Variants in ROBO1 observed in about 807,000 individuals in gnomAD.
The protein encoded by ROBO1 is roundabout guidance receptor 1, also known as roundabout homolog 1.
A neutral mutation model predicts 195.9 loss-of-function variants in ROBO1; 149 were observed. That is an observed-to-expected ratio of 0.76 (90% CI 0.67 to 0.87). ROBO1 has a LOEUF of 0.87. Among genes scored for constraint, ROBO1 ranks in the 40% least tolerant of loss-of-function variants. The pLI is 0.00. For synonymous variants in ROBO1, 816 were observed against 733.2 expected (o/e 1.11, Z -1.82); for missense variants, 1,933 against 2,068.3 (o/e 0.93, Z 1.27).
intron 2 of ROBO1, among the ~76,000 whole-genome samples, chr3:79,329,222 T>C (rs535259742): frequency 1.3e-5 from 2 of 152,316 alleles, no homozygotes; most frequent in Non-Finnish European, 2.9e-5. Flanking sequence ...ATGGCAAATC[T>C]TGAAAAAAAT....
At chr3:78,653,308 G>T in intron 18 of ROBO1, among the ~76,000 whole-genome samples, 1 of 151,964 alleles carries the variant, frequency 6.6e-6, no homozygotes, top group East Asian at 2.0e-4. Context: ...CCTCCCTGTG[G>T]GATATGTAGA....
At chr3:79,259,975 C>T (rs2082909110) in intron 2 of ROBO1, among the ~76,000 whole-genome samples, 1 of 151,892 alleles carries the variant, frequency 6.6e-6, no homozygotes, top group African/African-American at 2.4e-5. Flanking sequence ...ATGTAGCTTT[C>T]CCTCCCTTCA....
At chr3:79,766,693 C>A (rs909484217) in intron 1 of ROBO1, among the ~76,000 whole-genome samples, 2 of 152,092 alleles carry the variant, frequency 1.3e-5, no homozygotes, top group African/African-American at 4.8e-5. Context: ...GCTGTGGGAC[C>A]CAGCCGCGCG....
intron 2 of ROBO1, among the ~76,000 whole-genome samples, chr3:79,475,122 TATTAAAGTA>T (rs1386490480): frequency 3.3e-5 from 5 of 151,870 alleles, no homozygotes; most frequent in African/African-American, 1.2e-4. Context: ...GGAATGATAG[TATTAAAGTA>T]ACTCAATTGC....
At chr3:78,995,508 C>T (rs1450296467) in intron 3 of ROBO1, among the ~76,000 whole-genome samples, 1 of 152,092 alleles carries the variant, frequency 6.6e-6, no homozygotes, top group Admixed American at 6.6e-5. Context: ...GCCTCTATAG[C>T]CCGTCGATCG....
chr3:78,936,976 G>T (rs577617740), intron 4 of ROBO1, among the ~76,000 whole-genome samples: 1 of 152,230 alleles, frequency 6.6e-6, no homozygotes, highest in South Asian at 2.1e-4. Flanking sequence ...TAAGTTCATT[G>T]TTAGTTAACT....
At chr3:79,233,370 A>G (rs1362915909) in intron 2 of ROBO1, among the ~76,000 whole-genome samples, 1 of 152,172 alleles carries the variant, frequency 6.6e-6, no homozygotes, top group East Asian at 1.9e-4. Flanking sequence ...ACTTTGCTAT[A>G]TACAGTTAAC....
chr3:79,323,827 A>G (rs1396430688), intron 2 of ROBO1, among the ~76,000 whole-genome samples: 2 of 152,172 alleles, frequency 1.3e-5, no homozygotes, highest in African/African-American at 4.8e-5. Context: ...CAGCAGTGGC[A>G]GTTCAAGTTG....
At chr3:78,625,664 C>T (rs1370233660) in intron 26 of ROBO1, among the ~76,000 whole-genome samples, 1 of 152,210 alleles carries the variant, frequency 6.6e-6, no homozygotes, top group Non-Finnish European at 1.5e-5. Context: ...AGATGCTTTA[C>T]ACACATTATC....
intron 2 of ROBO1, among the ~76,000 whole-genome samples, chr3:79,326,213 G>A (rs1559819518): frequency 6.6e-6 from 1 of 152,086 alleles, no homozygotes; most frequent in African/African-American, 2.4e-5. Context: ...CGGTCCTGTG[G>A]TCCTGTGAAC....
intron 2 of ROBO1, among the ~76,000 whole-genome samples, chr3:79,329,564 G>A (rs138884266): frequency 2.5e-3 from 375 of 152,262 alleles, no homozygotes; most frequent in African/African-American, 8.5e-3. Context: ...CAGAATTGTG[G>A]TATGTATCAA....
chr3:79,422,516 T>C (rs1462110669), intron 2 of ROBO1, among the ~76,000 whole-genome samples: 1 of 152,120 alleles, frequency 6.6e-6, no homozygotes, highest in African/African-American at 2.4e-5. Context: ...AGTTAAACCA[T>C]CTTTCTGAGG....
At chr3:78,883,483 G>A (rs574382015) in intron 4 of ROBO1, among the ~76,000 whole-genome samples, 1 of 152,022 alleles carries the variant, frequency 6.6e-6, no homozygotes, top group African/African-American at 2.4e-5. Context: ...CTGGCCTCAG[G>A]CAATCCTCCC....
At chr3:79,124,264 A>G (rs1393913776) in intron 3 of ROBO1, among the ~76,000 whole-genome samples, 1 of 152,094 alleles carries the variant, frequency 6.6e-6, no homozygotes, top group Non-Finnish European at 1.5e-5. Context: ...GTTGGAAGAC[A>G]GGAAAAATGC....
chr3:79,228,930 C>G (rs894139110), intron 2 of ROBO1, among the ~76,000 whole-genome samples: 1 of 151,828 alleles, frequency 6.6e-6, no homozygotes, highest in Non-Finnish European at 1.5e-5. Flanking sequence ...CACAGTGAAC[C>G]CCAAAGCCAA....
chr3:79,626,394 G>A (rs896602672), intron 1 of ROBO1, among the ~76,000 whole-genome samples: 6 of 152,164 alleles, frequency 3.9e-5, no homozygotes, highest in African/African-American at 1.4e-4. Context: ...CCACGATCGT[G>A]CCATTGCACT....
chr3:79,239,091 A>G (rs1484552849), intron 2 of ROBO1, among the ~76,000 whole-genome samples: 1 of 152,194 alleles, frequency 6.6e-6, no homozygotes, highest in Non-Finnish European at 1.5e-5. Flanking sequence ...TCTCCTTAGT[A>G]CTATACAACC....
At chr3:79,614,824 A>AC (rs1177459983) in intron 1 of ROBO1, among the ~76,000 whole-genome samples, 1 of 151,508 alleles carries the variant, frequency 6.6e-6, no homozygotes, top group African/African-American at 2.4e-5. Context: ...TGGACATTAA[A>AC]AATATAAATA....
chr3:78,685,199 ATCT>A (rs1389902955), intron 10 of ROBO1, among the ~76,000 whole-genome samples: 2 of 152,062 alleles, frequency 1.3e-5, no homozygotes, highest in Non-Finnish European at 2.9e-5. Context: ...TTTTTCTTTC[ATCT>A]TCTTCTCAAA....
Sources: gnomAD v4.1 joint callset for allele counts (sites outside exome capture counted in the v4.1 genomes callset) on GRCh38, gnomAD v4.1.1 for gene constraint, MANE v1.5 for transcripts, NCBI Gene and HGNC (gene_info 2026-07-23, HGNC 2026-07-21) for gene names.